FCRL5: variants seen among roughly 807,000 people sequenced by gnomAD.
FCRL5 encodes Fc receptor like 5.
Under a neutral mutation model 92.1 loss-of-function variants are expected in FCRL5, and 79 were observed. That is an observed-to-expected ratio of 0.86 (90% CI 0.72 to 1.03). FCRL5 has a LOEUF of 1.03. Ranked by LOEUF, FCRL5 falls within the 50% of genes least tolerant of loss-of-function variation. The probability of loss-of-function intolerance (pLI) is 0.00; values close to 1 mark genes in which losing one functional copy is unlikely to be tolerated. For missense variants in FCRL5, 1,160 were observed against 1,181.1 expected (o/e 0.98, Z 0.26); for synonymous variants, 466 against 469.3 (o/e 0.99, Z 0.09).
At chr1:157,540,802 C>T (rs1977587) in intron 6 of FCRL5, among the ~76,000 whole-genome samples, 110,041 of 152,128 alleles carry the variant, frequency 0.72, 42,881 homozygotes, top group South Asian at 0.86. Flanking sequence ...TATAATGACA[C>T]TATAGTGTCT....
chr1:157,534,988 T>A, intron 7 of FCRL5, 96 bp from the exon 8 acceptor site: 1 of 1,201,720 alleles, frequency 8.3e-7, no homozygotes, highest in South Asian at 1.9e-5. Flanking sequence ...CAGTACAGGA[T>A]CTCTAGACTT....
At position 157,524,565 on chromosome 1, in the gene FCRL5, A is replaced by AG; in HGVS notation, c.1961-9dup. The AG allele has an allele frequency of 6.4e-7, 1 of 1,567,910 alleles. No homozygotes were observed. On this transcript the variant is annotated splice_polypyrimidine_tract_variant and intron_variant, in intron 9 of 16. Transcript: ENST00000361835. ...TGGGACGAGATACTGGAACTGAGGG[A>AG]GGAAAAACGTTATGTATCAGCTGCT...
intron 1 of FCRL5, among the ~76,000 whole-genome samples, chr1:157,552,079 T>C (rs146939365): frequency 6.6e-6 from 1 of 152,238 alleles, no homozygotes; most frequent in East Asian, 1.9e-4. Flanking sequence ...AAGAAAAAAA[T>C]AAATGAAATT....
In FCRL5 at chr1:157,515,622, A is replaced by T; in HGVS notation, c.*53T>A. The T allele has an allele frequency of 6.2e-7, 1 of 1,614,032 alleles. No homozygotes were observed. The highest frequency in any genetic ancestry group is 1.3e-5 in the African/African-American group (1 of 75,060). ...CCACTTCAATGCTGCTTCTCCCCCA[A>T]GGGGAACTTTGGGGTGCAGAGGCTG... On this transcript the variant is annotated 3_prime_UTR_variant, in exon 17 of 17. Coordinates refer to ENST00000361835, the MANE Select transcript of FCRL5 (RefSeq NM_031281.3).
chr1:157,518,358 G>A, intron 15 of FCRL5, 71 bp downstream of exon 15: 3 of 1,344,730 alleles, frequency 2.2e-6, no homozygotes, highest in African/African-American at 2.9e-5. Flanking sequence ...CAGATCTGCT[G>A]AGTGGGTAGA....
chr1:157,542,567 G>A (rs1294686398), intron 6 of FCRL5: 7 of 388,554 alleles, frequency 1.8e-5, no homozygotes, highest in African/African-American at 1.2e-4. Context: ...CATCTGGGGA[G>A]CCACAGGACA....
intron 8 of FCRL5, 111 bp downstream of exon 8, chr1:157,534,503 G>A (rs1359714003): frequency 7.7e-7 from 1 of 1,302,878 alleles, no homozygotes; most frequent in Non-Finnish European, 1.1e-6. Flanking sequence ...AGCCAAGAAG[G>A]GGATTAAGTT....
At chr1:157,516,382 A>C (rs1020581364) in intron 15 of FCRL5, among the ~76,000 whole-genome samples, 3 of 152,170 alleles carry the variant, frequency 2.0e-5, no homozygotes, top group Non-Finnish European at 4.4e-5. Context: ...AAGCTATATG[A>C]GTTTACACAT....
Position 157,515,866 on chromosome 1 carries a change from A to G in FCRL5, c.2820T>C (p.Ser940=), listed in dbSNP as rs1649899815. The G allele has an allele frequency of 3.1e-6, 5 of 1,613,924 alleles. No individual in the cohort carries two copies. The East Asian group carries it at 1.1e-4, about 36-fold the overall frequency. Residue 940 remains serine, a synonymous_variant, in exon 16 of 17, where the codon TCT becomes TCC. Coordinates refer to ENST00000361835, the MANE Select transcript of FCRL5 (RefSeq NM_031281.3). ...CCTTGTTCCTGAGATGCCTGGGGTC[A>G]GAGGCCACTGTGGAAAGAGGAAAGT... is the stretch of plus-strand genomic sequence containing the variant. ...IQEKKKHAVA[S]DPRHLRNKGS...
rs773820048 is a variant in FCRL5 at position 157,534,613 on chromosome 1, C to A, written c.1681+1G>T. ...GTGACTGGCAAGAACCCAGCACTTA[C>A]CAGTGACAAAAAGGCTCACCACTTC... On this transcript the variant is annotated splice_donor_variant, in intron 8 of 16. Coordinates refer to ENST00000361835, the MANE Select transcript of FCRL5 (RefSeq NM_031281.3). LOFTEE classifies it high-confidence loss of function. 3 of 1,614,128 alleles carry A rather than the reference C, an allele frequency of 1.9e-6. No individual in the cohort carries two copies. Among genetic ancestry groups the A allele is most frequent in the Admixed American group, 3.3e-5 (2 of 60,016 alleles).
In FCRL5 at chr1:157,527,905, A is replaced by G; in HGVS notation, c.1682-10T>C. 6.5e-7 allele frequency: 1 copy of G among 1,550,380 alleles called. No homozygotes were observed. Among genetic ancestry groups the G allele is most frequent in the Non-Finnish European group, 8.7e-7 (1 of 1,151,784 alleles). On this transcript the variant is annotated splice_polypyrimidine_tract_variant and intron_variant, in intron 8 of 16. Coordinates refer to ENST00000361835, the MANE Select transcript of FCRL5 (RefSeq NM_031281.3). ...GGGCGAGACACTGGAACTGAGAGAG[A>G]AAATGAGTTAGGGACACATGTATTT... is the stretch of plus-strand genomic sequence containing the variant.
chr1:157,524,602 A>G lies in FCRL5; in HGVS notation c.1961-45T>C, dbSNP rs747554094. ...ATGTATCAGCTGCTTCTGCTAAAAT[A>G]TATTCCTTCATGCTAAAGACATTTC... On this transcript the variant is annotated intron_variant, in intron 9 of 16. Coordinates refer to ENST00000361835, the MANE Select transcript of FCRL5 (RefSeq NM_031281.3). 6 of 1,517,864 alleles carry G rather than the reference A, an allele frequency of 4.0e-6. No individual in the cohort carries two copies. The South Asian group carries it at 6.5e-5, about 17-fold the overall frequency. 94.0% of individuals were successfully genotyped at this position (1,517,864 alleles called of 1,614,324 possible).
chr1:157,523,330 G>T (rs573400512), intron 10 of FCRL5, among the ~76,000 whole-genome samples: 1 of 152,174 alleles, frequency 6.6e-6, no homozygotes, highest in Admixed American at 6.5e-5. Context: ...GAACCTGTAC[G>T]TCTGCATAAT....
In FCRL5 at chr1:157,524,448, C is replaced by G; in HGVS notation, c.2070G>C (p.Leu690=). 2 of 1,614,214 alleles carry G rather than the reference C, an allele frequency of 1.2e-6. No individual in the cohort carries two copies. Among genetic ancestry groups the G allele is most frequent in the Non-Finnish European group, 1.7e-6 (2 of 1,180,032 alleles). ...TGACATCTTCATGATAAAACCAGTA[C>G]AGGATTGGGGAGGAGCCTCTCAGGG... ...CEALRGSSPI[L]YWFYHEDVTL... Residue 690 remains leucine, a synonymous_variant, in exon 10 of 17, where the codon CTG becomes CTC. Transcript: ENST00000361835.
intron 8 of FCRL5, 157 bp from the exon 9 acceptor site, chr1:157,528,052 G>A: frequency 2.5e-6 from 2 of 811,904 alleles, no homozygotes; most frequent in South Asian, 2.9e-5. Context: ...TGACATGATT[G>A]TATACCTAGG....
chr1:157,524,190 T>C (rs748350102), intron 10 of FCRL5, 89 bp downstream of exon 10: 12 of 1,438,566 alleles, frequency 8.3e-6, no homozygotes, highest in Non-Finnish European at 1.1e-5. Flanking sequence ...CAAACAGCCC[T>C]GAGGAGCTCT....
At chr1:157,546,259 G>A (rs1254130950) in intron 3 of FCRL5, 10 of 454,104 alleles carry the variant, frequency 2.2e-5, no homozygotes, top group Non-Finnish European at 4.0e-5. Context: ...ATTAGCCTGG[G>A]CAGCATGAGG....
At chr1:157,527,932 T>A (rs1650511609) in intron 8 of FCRL5, 37 bp from the exon 9 acceptor site, 1 of 1,508,476 alleles carries the variant, frequency 6.6e-7, no homozygotes, top group Admixed American at 2.2e-5. Flanking sequence ...CATGTATTTT[T>A]AAAATTAGAA....
At chr1:157,524,923 C>T (rs1280484652) in intron 9 of FCRL5, among the ~76,000 whole-genome samples, 1 of 152,148 alleles carries the variant, frequency 6.6e-6, no homozygotes, top group African/African-American at 2.4e-5. Flanking sequence ...ATCTGGGCTG[C>T]ATCAGAAATA....
Sources: allele counts gnomAD v4.1 joint callset (sites outside exome capture counted in the v4.1 genomes callset), GRCh38; gene constraint gnomAD v4.1.1; transcripts MANE v1.5; gene names NCBI Gene and HGNC (gene_info 2026-07-23, HGNC 2026-07-21).